AKAP19: variants seen among roughly 807,000 people sequenced by gnomAD.
The protein encoded by AKAP19 is A-kinase anchoring protein 19, also known as small A-kinase anchoring protein.
chr2:190,012,223 G>A, the AKAP19 span, among the ~76,000 whole-genome samples: 2,385 of 152,126 alleles, frequency 0.016, 65 homozygotes, highest in African/African-American at 0.054. Context: ...TTCCCAGGCT[G>A]AAGCCATCCT....
the AKAP19 span, among the ~76,000 whole-genome samples, chr2:190,063,921 CAG>C: frequency 2.6e-5 from 4 of 152,222 alleles, no homozygotes; most frequent in East Asian, 7.7e-4. Flanking sequence ...CAGCAAGAAA[CAG>C]AAGATATTTC....
the AKAP19 span, among the ~76,000 whole-genome samples, chr2:189,994,584 A>G: frequency 3.3e-5 from 5 of 150,908 alleles, no homozygotes; most frequent in Non-Finnish European, 7.4e-5. Flanking sequence ...GCAGATTATT[A>G]TTATTATTGT....
the AKAP19 span, among the ~76,000 whole-genome samples, chr2:190,145,271 A>T: frequency 7.9e-5 from 12 of 152,188 alleles, no homozygotes; most frequent in African/African-American, 2.7e-4. Flanking sequence ...TGTTCCAGAG[A>T]TGTTTCCAAG....
At chr2:190,156,343 A>C in the AKAP19 span, among the ~76,000 whole-genome samples, 2,199 of 152,292 alleles carry the variant, frequency 0.014, 50 homozygotes, top group African/African-American at 0.049. Flanking sequence ...TTTTATATAC[A>C]TACAAACATC....
the AKAP19 span, among the ~76,000 whole-genome samples, chr2:189,974,776 T>C: frequency 1.3e-5 from 2 of 152,242 alleles, no homozygotes; most frequent in African/African-American, 4.8e-5. Flanking sequence ...GTTTAAAGTC[T>C]GTTTTATCAG....
chr2:190,096,629 C>T, the AKAP19 span, among the ~76,000 whole-genome samples: 1 of 152,144 alleles, frequency 6.6e-6, no homozygotes, highest in South Asian at 2.1e-4. Context: ...ATATTGCTTC[C>T]CTTTCTTCTT....
the AKAP19 span, among the ~76,000 whole-genome samples, chr2:189,882,982 G>A: frequency 1.3e-5 from 2 of 151,804 alleles, no homozygotes; most frequent in Non-Finnish European, 2.9e-5. Flanking sequence ...GCTCTCAGAG[G>A]TTTTCTCTGC....
At chr2:190,081,974 T>A in the AKAP19 span, among the ~76,000 whole-genome samples, 1 of 152,150 alleles carries the variant, frequency 6.6e-6, no homozygotes, top group Admixed American at 6.5e-5. Context: ...AACCAGCCCT[T>A]TCTGAAGACT....
the AKAP19 span, among the ~76,000 whole-genome samples, chr2:190,171,113 G>C: frequency 6.6e-6 from 1 of 151,978 alleles, no homozygotes; most frequent in Non-Finnish European, 1.5e-5. Flanking sequence ...AGACCTCTAG[G>C]AAGCCAATCA....
chr2:190,152,313 A>T, the AKAP19 span, among the ~76,000 whole-genome samples: 1 of 152,324 alleles, frequency 6.6e-6, no homozygotes, highest in South Asian at 2.1e-4. Context: ...TCCCCATAAC[A>T]TAGCATGAGT....
chr2:190,105,780 A>G, the AKAP19 span, among the ~76,000 whole-genome samples: 3 of 152,174 alleles, frequency 2.0e-5, no homozygotes, highest in South Asian at 6.2e-4. Context: ...AATCCTGGCA[A>G]ATCTCAAACA....
At chr2:189,957,986 G>T in the AKAP19 span, among the ~76,000 whole-genome samples, 2 of 152,044 alleles carry the variant, frequency 1.3e-5, no homozygotes, top group South Asian at 4.1e-4. Context: ...TAGAGACGGG[G>T]TTTCACCATG....
the AKAP19 span, among the ~76,000 whole-genome samples, chr2:190,053,158 A>G: frequency 6.6e-6 from 1 of 152,328 alleles, no homozygotes; most frequent in South Asian, 2.1e-4. Flanking sequence ...TATCAGGAGT[A>G]CTTAGTGTAA....
chr2:189,888,334 T>G, the AKAP19 span, among the ~76,000 whole-genome samples: 1 of 152,240 alleles, frequency 6.6e-6, no homozygotes, highest in Non-Finnish European at 1.5e-5. Context: ...ACCAGTACCA[T>G]GCTGTTTTGG....
At chr2:189,988,782 C>T in the AKAP19 span, among the ~76,000 whole-genome samples, 1 of 152,220 alleles carries the variant, frequency 6.6e-6, no homozygotes, top group South Asian at 2.1e-4. Flanking sequence ...TGGCAAGAGA[C>T]TACATTTCCC....
the AKAP19 span, among the ~76,000 whole-genome samples, chr2:189,990,833 A>G: frequency 0.69 from 104,806 of 151,972 alleles, 37,088 homozygotes; most frequent in East Asian, 0.86. Flanking sequence ...ACTATACTCA[A>G]TGTGTAGTTT....
the AKAP19 span, among the ~76,000 whole-genome samples, chr2:190,010,628 G>C: frequency 3.9e-5 from 6 of 152,128 alleles, no homozygotes; most frequent in African/African-American, 1.4e-4. Context: ...AAGTCACTGT[G>C]GTTGTATAGA....
At chr2:190,142,717 G>T in the AKAP19 span, among the ~76,000 whole-genome samples, 2 of 152,232 alleles carry the variant, frequency 1.3e-5, no homozygotes, top group African/African-American at 4.8e-5. Flanking sequence ...GGCTGGGGGA[G>T]GTCCCCAAAT....
At chr2:190,073,481 T>C in the AKAP19 span, among the ~76,000 whole-genome samples, 1 of 152,110 alleles carries the variant, frequency 6.6e-6, no homozygotes, top group East Asian at 1.9e-4. Flanking sequence ...CCTTTTGAAG[T>C]TGTGTTATTT....
Sources: allele counts gnomAD v4.1 joint callset (sites outside exome capture counted in the v4.1 genomes callset), GRCh38; gene constraint gnomAD v4.1.1; transcripts MANE v1.5; gene names NCBI Gene and HGNC (gene_info 2026-07-23, HGNC 2026-07-21).